Variants in RIN2 observed in about 807,000 individuals in gnomAD.
The protein encoded by RIN2 is RAB5 interacting protein 2.
RIN2 carries 36 observed loss-of-function variants against 78.0 expected under a neutral mutation model. That is an observed-to-expected ratio of 0.46 (90% CI 0.35 to 0.61). The LOEUF (loss-of-function observed/expected upper bound fraction) is 0.61. Among genes scored for constraint, RIN2 ranks in the 20% least tolerant of loss-of-function variants. The pLI is 0.00. For missense variants in RIN2, 1,087 were observed against 1,159.7 expected, an observed-to-expected ratio of 0.94 and a Z score of 0.91; for synonymous variants, 466 against 466.8, an observed-to-expected ratio of 1.00 and a Z score of 0.02.
intron 2 of RIN2, among the ~76,000 whole-genome samples, chr20:19,849,463 AC>A (rs2036889783): frequency 1.3e-5 from 2 of 152,144 alleles, no homozygotes; most frequent in Admixed American, 1.3e-4. Context: ...GCATCGTTCT[AC>A]CCCGACTCTG....
intron 12 of RIN2, 127 bp from the exon 13 acceptor site, chr20:20,000,486 G>A: frequency 2.7e-6 from 2 of 732,658 alleles, no homozygotes; most frequent in Non-Finnish European, 4.5e-6. Flanking sequence ...CTCGTGGCCT[G>A]ACATCGGACA....
intron 2 of RIN2, among the ~76,000 whole-genome samples, chr20:19,821,860 C>T (rs747535903): frequency 1.2e-4 from 19 of 152,156 alleles, no homozygotes; most frequent in Non-Finnish European, 4.4e-5. Flanking sequence ...CAAAGGGCTG[C>T]ATTTTCACAT....
intron 8 of RIN2, 125 bp from the exon 9 acceptor site, chr20:19,974,529 C>A (rs2042204030): frequency 1.1e-6 from 1 of 931,442 alleles, no homozygotes; most frequent in Non-Finnish European, 1.6e-6. Context: ...AACCTGAGTA[C>A]AACGCACCCC....
chr20:19,901,164 C>G (rs2038965812), intron 3 of RIN2, among the ~76,000 whole-genome samples: 1 of 152,056 alleles, frequency 6.6e-6, no homozygotes. Flanking sequence ...AGCTTCATGT[C>G]CTTCTCTGGA....
chr20:19,957,679 C>A (rs417965), intron 5 of RIN2, among the ~76,000 whole-genome samples: 16,797 of 142,352 alleles, frequency 0.12, 1,684 homozygotes, highest in African/African-American at 0.28. Context: ...TCTGTCCCCC[C>A]CAAAAAAAAA....
At chr20:19,976,365 C>T (rs539786857) in intron 9 of RIN2, among the ~76,000 whole-genome samples, 15 of 152,332 alleles carry the variant, frequency 9.8e-5, no homozygotes, top group African/African-American at 2.6e-4. Context: ...GGTTACCATC[C>T]TGCTGGCTCC....
intron 2 of RIN2, among the ~76,000 whole-genome samples, chr20:19,829,224 C>G (rs2036181909): frequency 6.6e-6 from 1 of 152,072 alleles, no homozygotes; most frequent in Non-Finnish European, 1.5e-5. Flanking sequence ...CTACTCATGA[C>G]AGACATCCCA....
At chr20:19,870,410 G>C (rs2037654832) in intron 2 of RIN2, among the ~76,000 whole-genome samples, 1 of 152,148 alleles carries the variant, frequency 6.6e-6, no homozygotes. Context: ...ACTTTGGGAG[G>C]CCAAGGTGGG....
At position 19,854,959 on chromosome 20, in the gene RIN2, A is replaced by G. The variant is rs531878878; in HGVS notation, c.-36-34607A>G. Among the ~76,000 whole-genome samples the G allele has an allele frequency of 1.3e-3, 204 of 152,264 alleles. 3 individuals are homozygous for G. Among genetic ancestry groups the G allele is most frequent in the African/African-American group, 4.7e-3 (196 of 41,546 alleles). ...AGAGAGGGCATCCCTGTCTTGTGCC[A>G]GTTTTCAAAGGGAATGCTTCCAGTT... On this transcript the variant is annotated intron_variant, in intron 2 of 12. Transcript: ENST00000255006.
chr20:19,888,752 T>A (rs572396780), intron 2 of RIN2, among the ~76,000 whole-genome samples: 4 of 152,338 alleles, frequency 2.6e-5, no homozygotes, highest in Admixed American at 2.0e-4. Context: ...CCCCCCTCAA[T>A]GCGTGAAGGC....
At chr20:19,864,565 C>A (rs2037441267) in intron 2 of RIN2, among the ~76,000 whole-genome samples, 1 of 152,156 alleles carries the variant, frequency 6.6e-6, no homozygotes, top group African/African-American at 2.4e-5. Context: ...TACACTTCTC[C>A]TTTGTCAAAA....
Position 20,001,086 on chromosome 20 carries a change from G to A in RIN2, c.*150G>A. 1 of 683,074 alleles carries A rather than the reference G, an allele frequency of 1.5e-6. No homozygotes were observed. 42.3% of individuals were successfully genotyped at this position (683,074 alleles called of 1,614,324 possible). On this transcript the variant is annotated 3_prime_UTR_variant, in exon 13 of 13. Coordinates refer to ENST00000255006, the MANE Select transcript of RIN2 (RefSeq NM_018993.4). ...CCATCCACAGGCCAACTCGGCCAAG[G>A]GCAACTTTAGCCACGCAAGGTAGCT...
intron 2 of RIN2, among the ~76,000 whole-genome samples, chr20:19,801,001 C>A (rs2035224626): frequency 6.6e-6 from 1 of 152,172 alleles, no homozygotes. Context: ...GGGAGCTGGG[C>A]CTTCGCTGCC....
Position 19,950,898 on chromosome 20 carries a change from TTC to T in RIN2, c.159-5715_159-5714del, listed in dbSNP as rs1443908885. ...GCCTGGCTAACCTTTTTTTTTTTTTTTCTTTTTTTGGGACAGAGTCTAACTCT... is the reference window on the plus strand; with the variant it reads ...GCCTGGCTAACCTTTTTTTTTTTTTTTTTTTTTGGGACAGAGTCTAACTCT... On this transcript the variant is annotated intron_variant, in intron 4 of 12. Transcript: ENST00000255006. Among the ~76,000 whole-genome samples, 126 of 135,748 alleles carry T rather than the reference TTC, an allele frequency of 9.3e-4. 2 individuals are homozygous for T. The Middle Eastern group carries it at 0.015, about 16-fold the overall frequency. 89.1% of individuals were successfully genotyped at this position (135,748 alleles called of 152,430 possible). A position where few individuals can be genotyped will look rare whatever the true frequency, so the allele number is the denominator to read the frequency against.
chr20:19,880,838 C>T (rs1311978287), intron 2 of RIN2, among the ~76,000 whole-genome samples: 1 of 152,126 alleles, frequency 6.6e-6, no homozygotes, highest in Non-Finnish European at 1.5e-5. Flanking sequence ...ATGTCTGGTT[C>T]CATAAAGGAA....
chr20:19,900,203 G>C (rs769660792), intron 3 of RIN2, among the ~76,000 whole-genome samples: 4 of 152,212 alleles, frequency 2.6e-5, no homozygotes, highest in Non-Finnish European at 4.4e-5. Context: ...AACTATTCTG[G>C]CTGGGCATCA....
chr20:19,934,186 A>G (rs1568627583), intron 3 of RIN2, among the ~76,000 whole-genome samples: 1 of 152,248 alleles, frequency 6.6e-6, no homozygotes, highest in Non-Finnish European at 1.5e-5. Flanking sequence ...TTGCCATCTT[A>G]GAAATTAAAA....
intron 3 of RIN2, among the ~76,000 whole-genome samples, chr20:19,896,407 C>T (rs2038728864): frequency 6.6e-6 from 1 of 152,156 alleles, no homozygotes; most frequent in African/African-American, 2.4e-5. Context: ...CCAGGCTGGC[C>T]TCCAACTCCT....
chr20:19,939,455 G>A (rs2040775105), intron 4 of RIN2, among the ~76,000 whole-genome samples: 1 of 152,214 alleles, frequency 6.6e-6, no homozygotes, highest in African/African-American at 2.4e-5. Context: ...CAGGCTATTA[G>A]CCAAGCAGCA....
Sources: gnomAD v4.1 joint callset for allele counts (sites outside exome capture counted in the v4.1 genomes callset) on GRCh38, gnomAD v4.1.1 for gene constraint, MANE v1.5 for transcripts, NCBI Gene and HGNC (gene_info 2026-07-23, HGNC 2026-07-21) for gene names.